HHLA2: variants seen among roughly 807,000 people sequenced by gnomAD.
HHLA2 encodes the protein HHLA2 member of B7 family, also known as HERV-H LTR-associating protein 2.
A neutral mutation model predicts 45.9 loss-of-function variants in HHLA2; 48 were observed. The observed-to-expected ratio is 1.05, with a 90% CI of 0.83 to 1.33. The LOEUF is 1.33. Ranked by LOEUF, HHLA2 falls within the 40% of genes most tolerant of loss-of-function variation. The pLI, the probability that HHLA2 is intolerant of heterozygous loss-of-function variation, is 0.00. For missense variants in HHLA2, 462 were observed against 494.3 expected, an observed-to-expected ratio of 0.93 and a Z score of 0.62; for synonymous variants, 161 against 173.9, an observed-to-expected ratio of 0.93 and a Z score of 0.59.
chr3:108,299,509 C>T (rs756300238), intron 1 of HHLA2, among the ~76,000 whole-genome samples: 8 of 151,818 alleles, frequency 5.3e-5, no homozygotes, highest in Non-Finnish European at 1.2e-4. Context: ...TGAAGAATTC[C>T]GTCAGAGTAG....
chr3:108,323,970 A>G (rs2081246323), intron 2 of HHLA2, among the ~76,000 whole-genome samples: 1 of 152,198 alleles, frequency 6.6e-6, no homozygotes, highest in African/African-American at 2.4e-5. Context: ...CATCTTTTGA[A>G]CAAATTTAGC....
intron 1 of HHLA2, among the ~76,000 whole-genome samples, chr3:108,309,481 T>C (rs148621033): frequency 2.5e-4 from 38 of 152,314 alleles, no homozygotes; most frequent in African/African-American, 8.7e-4. Flanking sequence ...AGGATGGCTC[T>C]GGTAGCAGTT....
chr3:108,308,604 G>A (rs2080968413), intron 1 of HHLA2, among the ~76,000 whole-genome samples: 1 of 152,134 alleles, frequency 6.6e-6, no homozygotes, highest in Non-Finnish European at 1.5e-5. Flanking sequence ...TCTTCATACT[G>A]TTGTACTAAT....
At chr3:108,312,720 T>C (rs1335996327) in intron 2 of HHLA2, among the ~76,000 whole-genome samples, 1 of 152,226 alleles carries the variant, frequency 6.6e-6, no homozygotes, top group Non-Finnish European at 1.5e-5. Context: ...GCTTGGCTTC[T>C]TCCCTTTCTC....
At chr3:108,369,672 G>A (rs1052697748) in intron 8 of HHLA2, among the ~76,000 whole-genome samples, 4 of 152,230 alleles carry the variant, frequency 2.6e-5, no homozygotes, top group Non-Finnish European at 4.4e-5. Context: ...TATATCCTGT[G>A]CATGACTCAG....
intron 1 of HHLA2, among the ~76,000 whole-genome samples, chr3:108,306,512 G>A (rs1013265044): frequency 6.6e-6 from 1 of 152,088 alleles, no homozygotes; most frequent in Non-Finnish European, 1.5e-5. Context: ...CTCCCTCTGT[G>A]CGTGTGTGTG....
chr3:108,326,216 A>G, intron 2 of HHLA2: 1 of 216,984 alleles, frequency 4.6e-6, no homozygotes, highest in Non-Finnish European at 9.4e-6. Context: ...TCTTCCATCC[A>G]CCTTGTATGG....
chr3:108,331,071 C>A (rs2081378232), intron 3 of HHLA2, among the ~76,000 whole-genome samples: 1 of 152,072 alleles, frequency 6.6e-6, no homozygotes, highest in Admixed American at 6.5e-5. Context: ...TAGGGTGTTT[C>A]AAACCTGGGC....
chr3:108,340,726 T>C (rs1458630783), intron 3 of HHLA2, among the ~76,000 whole-genome samples: 12 of 152,142 alleles, frequency 7.9e-5, no homozygotes, highest in Non-Finnish European at 2.9e-5. Flanking sequence ...GTCAAATTCA[T>C]TTTTCCTACA....
At chr3:108,325,532 G>A (rs961021543) in intron 2 of HHLA2, 5 of 294,834 alleles carry the variant, frequency 1.7e-5, no homozygotes, top group African/African-American at 1.1e-4. Context: ...TATTGCTACT[G>A]GAACCATCAT....
intron 2 of HHLA2, among the ~76,000 whole-genome samples, chr3:108,311,038 C>A (rs1464865993): frequency 6.6e-6 from 1 of 152,120 alleles, no homozygotes; most frequent in African/African-American, 2.4e-5. Flanking sequence ...TCTCACTTTA[C>A]CAAGTGTAAA....
chr3:108,340,145 G>C (rs1253584128), intron 3 of HHLA2, among the ~76,000 whole-genome samples: 2 of 152,148 alleles, frequency 1.3e-5, no homozygotes, highest in Non-Finnish European at 2.9e-5. Context: ...TAAGGTTTAG[G>C]GAAAGATAGG....
At chr3:108,371,242 G>A (rs2082164755) in intron 8 of HHLA2, among the ~76,000 whole-genome samples, 1 of 152,130 alleles carries the variant, frequency 6.6e-6, no homozygotes, top group Non-Finnish European at 1.5e-5. Context: ...CATAAGTGAA[G>A]GAGAAACAAA....
At chr3:108,300,712 C>T (rs189016422) in intron 1 of HHLA2, among the ~76,000 whole-genome samples, 9,479 of 152,006 alleles carry the variant, frequency 0.062, 433 homozygotes, top group East Asian at 0.23. Context: ...TAGTGACATA[C>T]GTCCTGGGTA....
At chr3:108,316,655 T>C (rs1310443444) in intron 2 of HHLA2, among the ~76,000 whole-genome samples, 5 of 152,190 alleles carry the variant, frequency 3.3e-5, no homozygotes, top group Non-Finnish European at 5.9e-5. Context: ...CACATCCCAA[T>C]GCACTGATTA....
At chr3:108,377,503 T>C in exon 11 of HHLA2, 1 of 517,562 alleles carries the variant, frequency 1.9e-6, no homozygotes. Context: ...AATGCCTGGA[T>C]GTTAAGGATT....
intron 3 of HHLA2, among the ~76,000 whole-genome samples, chr3:108,339,573 A>G (rs1307099667): frequency 6.6e-6 from 1 of 151,860 alleles, no homozygotes; most frequent in East Asian, 1.9e-4. Flanking sequence ...ATATATATAT[A>G]TGTAATGCAT....
intron 2 of HHLA2, among the ~76,000 whole-genome samples, chr3:108,318,198 T>C (rs1259269499): frequency 7.0e-6 from 1 of 142,666 alleles, no homozygotes; most frequent in African/African-American, 2.5e-5. Flanking sequence ...AAAAAAAAAA[T>C]TCAATATTAG....
At chr3:108,333,591 C>T (rs1206901260) in intron 3 of HHLA2, among the ~76,000 whole-genome samples, 2 of 96,532 alleles carry the variant, frequency 2.1e-5, no homozygotes, top group South Asian at 4.1e-4. Context: ...GTTGCTCTCT[C>T]AGTAACCAAA....
Sources: allele counts gnomAD v4.1 joint callset (sites outside exome capture counted in the v4.1 genomes callset), GRCh38; gene constraint gnomAD v4.1.1; transcripts MANE v1.5; gene names NCBI Gene and HGNC (gene_info 2026-07-23, HGNC 2026-07-21).